Variants in PRLHR observed in about 807,000 individuals in gnomAD.
The protein encoded by PRLHR is prolactin releasing hormone receptor, also known as prolactin-releasing peptide receptor.
A neutral mutation model predicts 9.3 loss-of-function variants in PRLHR; 10 were observed. That is an observed-to-expected ratio of 1.08 (90% CI 0.66 to 1.82). The LOEUF (loss-of-function observed/expected upper bound fraction) is 1.82, where lower values mean the gene tolerates loss of function less well. Among genes scored for constraint, PRLHR ranks in the 40% most tolerant of loss-of-function variants. The pLI, the probability that PRLHR is intolerant of heterozygous loss-of-function variation, is 0.00. For synonymous variants in PRLHR, 261 were observed against 249.3 expected (o/e 1.05, Z -0.44); for missense variants, 589 against 512.0 (o/e 1.15, Z -1.45).
In PRLHR at chr10:118,590,395, G is replaced by T. The variant is rs1844422268; in HGVS notation, c.*3737C>A. On this transcript the variant is annotated 3_prime_UTR_variant, in exon 2 of 2. Transcript: ENST00000239032. The stretch of plus-strand genomic sequence containing the variant: ...AAGGACAAAAAATCAGACGGTTATA[G>T]GAACTGGAATATCCTTACCTTAGCA... 1 of 152,228 alleles carries T rather than the reference G, an allele frequency of 6.6e-6. No individual in the cohort carries two copies. The highest frequency in any genetic ancestry group is 2.1e-4 in the South Asian group (1 of 4,832). The allele number at this position is 152,228 out of a possible 1,614,324, so 9.4% of individuals were successfully genotyped here. A position where few individuals can be genotyped will look rare whatever the true frequency, so the allele number is the denominator to read the frequency against.
rs1393988639 is a variant in PRLHR, at chr10:118,594,770, G to A, written c.475C>T (p.Arg159Cys). The A allele has an allele frequency of 1.6e-5, 26 of 1,610,836 alleles. No individual in the cohort carries two copies. The highest frequency in any genetic ancestry group is 4.4e-5 in the South Asian group (4 of 91,024). Residue 159 changes from arginine (R) to cysteine (C), a missense_variant, in exon 2 of 2, where the codon CGC (arginine) becomes TGC (cysteine). By Grantham distance (180) the Arg-to-Cys change is radical. Coordinates refer to ENST00000239032, the MANE Select transcript of PRLHR (RefSeq NM_004248.3). Reference sequence around the variant, plus strand: ...AGCGGGTGCACCAGCACGACGTAGCGGTCCACTGCGATGGTGGTGAGCGTG... The same window carrying A: ...AGCGGGTGCACCAGCACGACGTAGCAGTCCACTGCGATGGTGGTGAGCGTG... ...VFTLTTIAVDRYVVLVHPLRR... is the reference protein window; with the variant it reads ...VFTLTTIAVDCYVVLVHPLRR...
At position 118,595,559 on chromosome 10, in the gene PRLHR, A is replaced by G. The variant is rs193214353; in HGVS notation, c.-50T>C. 5 of 251,060 alleles carry G rather than the reference A, an allele frequency of 2.0e-5. No homozygotes were observed. Among genetic ancestry groups the G allele is most frequent in the Non-Finnish European group, 3.8e-5 (5 of 131,930 alleles). 15.6% of individuals were successfully genotyped at this position (251,060 alleles called of 1,614,324 possible). A position where few individuals can be genotyped will look rare whatever the true frequency, so the allele number is the denominator to read the frequency against. On this transcript the variant is annotated 5_prime_UTR_variant, in exon 1 of 2. Coordinates refer to ENST00000239032, the MANE Select transcript of PRLHR (RefSeq NM_004248.3). ...GAGCGGGAAAGCACTCGCGGGAAGAAGGGGCAGAATTTCTGCTGGCCCTCG... is the reference window on the plus strand; with the variant it reads ...GAGCGGGAAAGCACTCGCGGGAAGAGGGGGCAGAATTTCTGCTGGCCCTCG...
In PRLHR at chr10:118,590,210, G is replaced by C. The variant is rs568530821; in HGVS notation, c.*3922C>G. ...GGGACAGGCCCTGTGTTCACTCCCA[G>C]ATCTAGCCACACTCTTGAGGTTAGT... On this transcript the variant is annotated 3_prime_UTR_variant, in exon 2 of 2. Coordinates refer to ENST00000239032, the MANE Select transcript of PRLHR (RefSeq NM_004248.3). 2.6e-5 allele frequency: 4 copies of C among 152,338 alleles called. No individual in the cohort carries two copies. The South Asian group carries it at 8.3e-4, about 32-fold the overall frequency. 9.4% of individuals were successfully genotyped at this position (152,338 alleles called of 1,614,324 possible). A position where few individuals can be genotyped will look rare whatever the true frequency, so the allele number is the denominator to read the frequency against.
chr10:118,595,100 G>A lies in PRLHR; in HGVS notation c.145C>T (p.Pro49Ser), dbSNP rs976084353. 2.1e-5 allele frequency: 33 copies of A among 1,604,944 alleles called. No individual in the cohort carries two copies. The highest frequency in any genetic ancestry group is 6.7e-5 in the East Asian group (3 of 44,642). Residue 49 changes from proline (P) to serine (S), a missense_variant, in exon 2 of 2, where the codon CCC (proline) becomes TCC (serine). Physicochemically the swap from Pro to Ser is moderately conservative, Grantham distance 74. Transcript: ENST00000239032. The part of the protein sequence containing the change: ...VAGADAPAVT[P>S]FQSLQLVHQL... Reference sequence around the variant, plus strand: ...TGCACCAGCTGCAGGCTCTGGAAGGGCGTGACGGCTGGAGCGTCCGCGCCA... The same window carrying A: ...TGCACCAGCTGCAGGCTCTGGAAGGACGTGACGGCTGGAGCGTCCGCGCCA...
rs765323587 is a variant in PRLHR, at chr10:118,594,911, C to T, written c.334G>A (p.Ala112Thr). Residue 112 changes from alanine (A) to threonine (T), a missense_variant, in exon 2 of 2, where the codon GCC becomes ACC. Coordinates refer to ENST00000239032, the MANE Select transcript of PRLHR (RefSeq NM_004248.3). ...TAGGCCAGCGTGAGCGGCACGCAGG[C>T]GGTGCACATGAGCACGTCGGACAAG... ...LALSDVLMCT[A>T]CVPLTLAYAF... 14 of 1,613,412 alleles carry T rather than the reference C, an allele frequency of 8.7e-6. No homozygotes were observed. Among genetic ancestry groups the T allele is most frequent in the South Asian group, 5.5e-5 (5 of 91,074 alleles).
rs999798887 is a variant in PRLHR at position 118,591,173 on chromosome 10, T to C, written c.*2959A>G. Reference sequence around the variant, plus strand: ...AGACTGGAGTGCAGTGGTGTAATGATAGCTCACTGCAGCCCAGTGATCCTC... The same window carrying C: ...AGACTGGAGTGCAGTGGTGTAATGACAGCTCACTGCAGCCCAGTGATCCTC... On this transcript the variant is annotated 3_prime_UTR_variant, in exon 2 of 2. Coordinates refer to ENST00000239032, the MANE Select transcript of PRLHR (RefSeq NM_004248.3). The C allele has an allele frequency of 4.6e-5, 7 of 152,196 alleles. No individual in the cohort carries two copies. The highest frequency in any genetic ancestry group is 1.7e-4 in the African/African-American group (7 of 41,440). The allele number at this position is 152,196 out of a possible 1,614,324, so 9.4% of individuals were successfully genotyped here. A position where few individuals can be genotyped will look rare whatever the true frequency, so the allele number is the denominator to read the frequency against.
At position 118,594,535 on chromosome 10, in the gene PRLHR, G is replaced by C. The variant is rs1336955522; in HGVS notation, c.710C>G (p.Pro237Arg). 6.4e-7 allele frequency: 1 copy of C among 1,574,498 alleles called. No individual in the cohort carries two copies. The highest frequency in any genetic ancestry group is 1.1e-5 in the South Asian group (1 of 87,666). Residue 237 changes from proline (P) to arginine (R), a missense_variant, in exon 2 of 2, where the codon CCT (proline) becomes CGT (arginine). By Grantham distance (103) the Pro-to-Arg change is moderately radical. Coordinates refer to ENST00000239032, the MANE Select transcript of PRLHR (RefSeq NM_004248.3). ...WGLLLVTYLL[P>R]LLVILLSYVR... is the part of the protein sequence containing the mutation. ...GTAAGACAGGAGGATGACCAGCAGAGGGAGCAGGTAGGTGACCAGCAGCAG... is the reference window on the plus strand; with the variant it reads ...GTAAGACAGGAGGATGACCAGCAGACGGAGCAGGTAGGTGACCAGCAGCAG...
chr10:118,594,473 G>A lies in PRLHR; in HGVS notation c.772C>T (p.Pro258Ser), dbSNP rs757053504. The A allele has an allele frequency of 4.0e-5, 64 of 1,601,350 alleles. No homozygotes were observed. The highest frequency in any genetic ancestry group is 5.0e-5 in the Non-Finnish European group (59 of 1,178,036). Reference sequence around the variant, plus strand: ...GCCTGGCTCTGGGTCACGCAGCCCGGCACCACGCGGTTGCGGAGCTTCACT... The same window carrying A: ...GCCTGGCTCTGGGTCACGCAGCCCGACACCACGCGGTTGCGGAGCTTCACT... ...VSVKLRNRVV[P>S]GCVTQSQADW... Residue 258 changes from proline to serine, a missense_variant, in exon 2 of 2, where the codon CCG becomes TCG. Coordinates refer to ENST00000239032, the MANE Select transcript of PRLHR (RefSeq NM_004248.3).
In PRLHR at chr10:118,593,861, C is replaced by T. The variant is rs1448652167; in HGVS notation, c.*271G>A. On this transcript the variant is annotated 3_prime_UTR_variant, in exon 2 of 2. Transcript: ENST00000239032. ...ACGTGGAGAAAAAGTTTTGTTTGTC[C>T]TTCAAGGGCATAAAGAAGAAATAAG... is the stretch of plus-strand genomic sequence containing the variant. 1.1e-5 allele frequency: 4 copies of T among 379,126 alleles called. No homozygotes were observed. In the Admixed American group the frequency reaches 2.0e-4, roughly 19 times the overall value. 23.5% of individuals were successfully genotyped at this position (379,126 alleles called of 1,614,324 possible).
In PRLHR at chr10:118,594,339, G is replaced by A; in HGVS notation, c.906C>T (p.Asp302=). 1 of 1,600,448 alleles carries A rather than the reference G, an allele frequency of 6.2e-7. No homozygotes were observed. Among genetic ancestry groups the A allele is most frequent in the Non-Finnish European group, 8.5e-7 (1 of 1,178,578 alleles). ...AAGGGTCGATGGCGTGGGGGTCGAG[G>A]TCCCGCAGCAGGTTGAAGACGTGCA... ...LPLHVFNLLR[D]LDPHAIDPYA... The change falls in exon 2 of 2, where the codon GAC becomes GAT. Residue 302 remains aspartate (D), a synonymous_variant. Transcript: ENST00000239032.
In PRLHR at chr10:118,594,693, C is replaced by A; in HGVS notation, c.552G>T (p.Trp184Cys). Residue 184 changes from tryptophan (W) to cysteine (C), a missense_variant, in exon 2 of 2, where the codon TGG (tryptophan) becomes TGT (cysteine). Physicochemically the swap from Trp to Cys is radical, Grantham distance 215. Transcript: ENST00000239032. The stretch of plus-strand genomic sequence containing the variant: ...GCAGCGCCAGCACCGCGGACAGCGC[C>A]CAGATGGCCAGCACAGCGTAGGCGC... ...RLSAYAVLAI[W>C]ALSAVLALPA... 1 of 1,590,840 alleles carries A rather than the reference C, an allele frequency of 6.3e-7. No individual in the cohort carries two copies. The highest frequency in any genetic ancestry group is 8.5e-7 in the Non-Finnish European group (1 of 1,171,194).
Position 118,594,818 on chromosome 10 carries a change from C to T in PRLHR, c.427G>A (p.Val143Ile). 1 of 1,612,914 alleles carries T rather than the reference C, an allele frequency of 6.2e-7. No individual in the cohort carries two copies. Among genetic ancestry groups the T allele is most frequent in the Non-Finnish European group, 8.5e-7 (1 of 1,179,874 alleles). Residue 143 changes from valine (V) to isoleucine (I), a missense_variant, in exon 2 of 2, where the codon GTC becomes ATC. By Grantham distance (29) the Val-to-Ile change is conservative (BLOSUM62 3). Coordinates refer to ENST00000239032, the MANE Select transcript of PRLHR (RefSeq NM_004248.3). The part of the protein sequence containing the change: ...LCHLVFFLQP[V>I]TVYVSVFTLT... ...GTGAACACCGACACATAGACGGTGA[C>T]CGGCTGCAGGAAGAAGACCAGGTGG...
Position 118,594,347 on chromosome 10 carries a change from G to A in PRLHR, c.898C>T (p.Leu300=). 6.2e-7 allele frequency: 1 copy of A among 1,600,384 alleles called. No homozygotes were observed. Residue 300 remains leucine, a synonymous_variant, in exon 2 of 2, where the codon CTG becomes TTG. Coordinates refer to ENST00000239032, the MANE Select transcript of PRLHR (RefSeq NM_004248.3). ...ATGGCGTGGGGGTCGAGGTCCCGCA[G>A]CAGGTTGAAGACGTGCAGCGGCAGC... The part of the protein sequence containing the change: ...CWLPLHVFNL[L]RDLDPHAIDP...
Position 118,594,600 on chromosome 10 carries a change from C to A in PRLHR, c.645G>T (p.Trp215Cys). The change falls in exon 2 of 2, where the codon TGG becomes TGT. Residue 215 changes from tryptophan to cysteine, a missense_variant. Transcript: ENST00000239032. ...PHDVRLCEEF[W>C]GSQERQRQLY... Reference sequence around the variant, plus strand: ...GCTGGCGCTGGCGCTCCTGGGAGCCCCAGAACTCCTCGCAGAGGCGCACGT... The same window carrying A: ...GCTGGCGCTGGCGCTCCTGGGAGCCACAGAACTCCTCGCAGAGGCGCACGT... 2 of 1,568,892 alleles carry A rather than the reference C, an allele frequency of 1.3e-6. No homozygotes were observed. The highest frequency in any genetic ancestry group is 2.3e-5 in the East Asian group (1 of 42,754).
chr10:118,594,440 C>G lies in PRLHR; in HGVS notation c.805G>C (p.Asp269His), dbSNP rs1385669752. ...AAGGTGCGCCGGCGCCGAGCGCGGT[C>G]CCAGTCGGCCTGGCTCTGGGTCACG... ...GCVTQSQADW[D>H]RARRRRTFCL... Residue 269 changes from aspartate to histidine, a missense_variant, in exon 2 of 2, where the codon GAC becomes CAC. Transcript: ENST00000239032. The G allele has an allele frequency of 6.2e-7, 1 of 1,601,432 alleles. No homozygotes were observed. Among genetic ancestry groups the G allele is most frequent in the East Asian group, 2.2e-5 (1 of 44,816 alleles).
chr10:118,593,503 TC>T lies in PRLHR; in HGVS notation c.*628del, dbSNP rs1844450889. The stretch of plus-strand genomic sequence containing the variant: ...AGGGGAGAAACAATAGCAAGACCTT[TC>T]TAAAGGGAGCTTGTAGGTGTTTTTG... On this transcript the variant is annotated 3_prime_UTR_variant, in exon 2 of 2. Transcript: ENST00000239032. 6.6e-6 allele frequency: 1 copy of T among 152,222 alleles called. No individual in the cohort carries two copies. Among genetic ancestry groups the T allele is most frequent in the Non-Finnish European group, 1.5e-5 (1 of 68,036 alleles). 9.4% of individuals were successfully genotyped at this position (152,222 alleles called of 1,614,324 possible).
At position 118,593,547 on chromosome 10, in the gene PRLHR, G is replaced by A. The variant is rs1844451302; in HGVS notation, c.*585C>T. The A allele has an allele frequency of 6.6e-6, 1 of 152,212 alleles. No homozygotes were observed. Among genetic ancestry groups the A allele is most frequent in the Non-Finnish European group, 1.5e-5 (1 of 68,040 alleles). The allele number at this position is 152,212 out of a possible 1,614,324, so 9.4% of individuals were successfully genotyped here. A position where few individuals can be genotyped will look rare whatever the true frequency, so the allele number is the denominator to read the frequency against. On this transcript the variant is annotated 3_prime_UTR_variant, in exon 2 of 2. Transcript: ENST00000239032. The stretch of plus-strand genomic sequence containing the variant: ...TGTTTTTGTACTATAAACTCAAGTG[G>A]TTTTAAAACGAAACCCTTTTGGCAT...
rs767820522 is a variant in PRLHR at position 118,594,417 on chromosome 10, GGTGCGCCGGCGCCGAGCGCGGTC to G, written c.805_827del (p.Asp269LeufsTer130). On this transcript the variant is annotated frameshift_variant, in exon 2 of 2. Coordinates refer to ENST00000239032, the MANE Select transcript of PRLHR (RefSeq NM_004248.3). LOFTEE classifies it high-confidence loss of function. Reference sequence around the variant, plus strand: ...CCACGATCACCACCAGCAAGCAGAAGGTGCGCCGGCGCCGAGCGCGGTCCCAGTCGGCCTGGCTCTGGGTCACG... The same window carrying G: ...CCACGATCACCACCAGCAAGCAGAAGCCAGTCGGCCTGGCTCTGGGTCACG... 13 of 1,600,464 alleles carry G rather than the reference GGTGCGCCGGCGCCGAGCGCGGTC, an allele frequency of 8.1e-6. No individual in the cohort carries two copies. The African/African-American group carries it at 1.6e-4, about 20-fold the overall frequency.
chr10:118,594,800 C>A lies in PRLHR; in HGVS notation c.445G>T (p.Val149Leu), dbSNP rs866645728. 1 of 1,612,408 alleles carries A rather than the reference C, an allele frequency of 6.2e-7. No homozygotes were observed. The highest frequency in any genetic ancestry group is 1.3e-5 in the African/African-American group (1 of 75,064). The change falls in exon 2 of 2, where the codon GTG (valine) becomes TTG (leucine). Residue 149 changes from valine (V) to leucine (L), a missense_variant. Physicochemically the swap from Val to Leu is conservative, Grantham distance 32 (BLOSUM62 1). Transcript: ENST00000239032. The part of the protein sequence containing the change: ...FLQPVTVYVS[V>L]FTLTTIAVDR... ...ACTGCGATGGTGGTGAGCGTGAACACCGACACATAGACGGTGACCGGCTGC... is the reference window on the plus strand; with the variant it reads ...ACTGCGATGGTGGTGAGCGTGAACAACGACACATAGACGGTGACCGGCTGC...
Sources: gnomAD v4.1 joint callset for allele counts on GRCh38, gnomAD v4.1.1 for gene constraint, MANE v1.5 for transcripts, NCBI Gene and HGNC (gene_info 2026-07-23, HGNC 2026-07-21) for gene names.